ADAM22: variants seen among roughly 807,000 people sequenced by gnomAD.
The protein encoded by ADAM22 is ADAM metallopeptidase domain 22.
ADAM22 carries 65 observed loss-of-function variants against 144.6 expected under a neutral mutation model. The ratio of observed to expected loss-of-function variants is 0.45; its 90% CI spans 0.37 to 0.55. The LOEUF (loss-of-function observed/expected upper bound fraction) is 0.55. Ranked by LOEUF, ADAM22 falls within the 20% of genes least tolerant of loss-of-function variation. ADAM22 has a pLI of 0.00. For missense variants in ADAM22, 974 were observed against 1,184.9 expected, an observed-to-expected ratio of 0.82 and a Z score of 2.61; for synonymous variants, 391 against 412.6, an observed-to-expected ratio of 0.95 and a Z score of 0.63.
rs1554478728 is a variant in ADAM22 at position 88,113,703 on chromosome 7, A to ATATATAT, written c.474-881_474-880insTATATAT. Among the ~76,000 whole-genome samples the ATATATAT allele has an allele frequency of 4.4e-3, 212 of 48,044 alleles. 3 individuals carry two copies. Among genetic ancestry groups the ATATATAT allele is most frequent in the African/African-American group, 5.5e-3 (68 of 12,462 alleles). The allele number at this position is 48,044 out of a possible 152,430, so 31.5% of individuals were successfully genotyped here. A position where few individuals can be genotyped will look rare whatever the true frequency, so the allele number is the denominator to read the frequency against. Reference sequence around the variant, plus strand: ...TATATATATTATAAATAAATAAATAAATATATATATATATATATATATATA... The same window carrying ATATATAT: ...TATATATATTATAAATAAATAAATAATATATATATATATATATATATATATATATATA... On this transcript the variant is annotated intron_variant, in intron 5 of 31. Transcript: ENST00000413139.
chr7:88,090,889 T>C (rs1476434497), intron 4 of ADAM22, among the ~76,000 whole-genome samples: 1 of 152,170 alleles, frequency 6.6e-6, no homozygotes, highest in Non-Finnish European at 1.5e-5. Context: ...CTGTTGCCCA[T>C]TTTTAAGTAC....
chr7:88,153,370 A>G, intron 21 of ADAM22, 44 bp downstream of exon 21: 1 of 1,522,046 alleles, frequency 6.6e-7, no homozygotes, highest in South Asian at 1.2e-5. Flanking sequence ...TTGGTCAATT[A>G]CAAGTGTACT....
At chr7:88,139,156 G>A (rs1833887138) in intron 14 of ADAM22, among the ~76,000 whole-genome samples, 1 of 152,184 alleles carries the variant, frequency 6.6e-6, no homozygotes, top group Admixed American at 6.5e-5. Flanking sequence ...GGTGGCTCAC[G>A]CCTGTAATCC....
intron 4 of ADAM22, among the ~76,000 whole-genome samples, chr7:88,081,152 G>C (rs1362615327): frequency 6.6e-6 from 1 of 152,020 alleles, no homozygotes; most frequent in Non-Finnish European, 1.5e-5. Context: ...GTGATCAAGT[G>C]GGCTTCATCC....
At chr7:88,052,207 A>C (rs1806620280) in intron 3 of ADAM22, among the ~76,000 whole-genome samples, 1 of 152,040 alleles carries the variant, frequency 6.6e-6, no homozygotes, top group Non-Finnish European at 1.5e-5. Context: ...ACATAAAAAA[A>C]AAATTCCCGG....
At chr7:88,049,392 T>C (rs923219789) in intron 3 of ADAM22, among the ~76,000 whole-genome samples, 3 of 152,166 alleles carry the variant, frequency 2.0e-5, no homozygotes, top group African/African-American at 7.2e-5. Flanking sequence ...TGTTTTTTGT[T>C]TGTTTGTTTG....
In ADAM22 at chr7:88,131,294, G is replaced by A. The variant is rs1018160112; in HGVS notation, c.851G>A (p.Arg284Lys). ...DLIYKDQLKT[R>K]IVLVAMETWA... ...ATATATAAAGACCAACTTAAGACCAGGATAGTATTGGTTGCTATGGAAACC... is the reference window on the plus strand; with the variant it reads ...ATATATAAAGACCAACTTAAGACCAAGATAGTATTGGTTGCTATGGAAACC... The change falls in exon 11 of 32, where the codon AGG becomes AAG. Residue 284 changes from arginine (R) to lysine (K), a missense_variant. By Grantham distance (26) the Arg-to-Lys change is conservative. Around this residue, in one of 2 missense-constraint regions of ADAM22, gnomAD observed 734 missense variants for 950.6 expected, o/e 0.77. Transcript: ENST00000413139. 8.7e-6 allele frequency: 14 copies of A among 1,613,412 alleles called. No homozygotes were observed. Among genetic ancestry groups the A allele is most frequent in the Non-Finnish European group, 1.2e-5 (14 of 1,179,748 alleles).
At chr7:88,043,472 G>A (rs1042735650) in intron 3 of ADAM22, among the ~76,000 whole-genome samples, 2 of 146,980 alleles carry the variant, frequency 1.4e-5, no homozygotes, top group Non-Finnish European at 3.0e-5. Flanking sequence ...GTGACTGAGC[G>A]AGGCTCAGTA....
At chr7:88,011,172 T>C (rs1301796929) in intron 3 of ADAM22, among the ~76,000 whole-genome samples, 1 of 152,216 alleles carries the variant, frequency 6.6e-6, no homozygotes. Flanking sequence ...GAAGCAACAC[T>C]GTTAATGTTT....
chr7:87,984,767 A>G (rs896186548), intron 3 of ADAM22, among the ~76,000 whole-genome samples: 5 of 151,784 alleles, frequency 3.3e-5, no homozygotes, highest in African/African-American at 9.7e-5. Flanking sequence ...TACAGCCTCA[A>G]CCCCCTGGGC....
intron 4 of ADAM22, among the ~76,000 whole-genome samples, chr7:88,100,731 G>A (rs7792853): frequency 0.39 from 59,020 of 151,930 alleles, 13,413 homozygotes; most frequent in East Asian, 0.84. Context: ...GCTCAGACTT[G>A]TCTTGAACTC....
intron 3 of ADAM22, among the ~76,000 whole-genome samples, chr7:87,979,842 A>G (rs537490482): frequency 6.6e-6 from 1 of 152,280 alleles, no homozygotes; most frequent in Non-Finnish European, 1.5e-5. Flanking sequence ...TGAAAGCTGC[A>G]TGTAGATACT....
intron 4 of ADAM22, among the ~76,000 whole-genome samples, chr7:88,076,964 C>T (rs896262434): frequency 6.6e-6 from 1 of 152,078 alleles, no homozygotes. Flanking sequence ...AAAAGGAAAA[C>T]TTTATCCTTA....
intron 29 of ADAM22, chr7:88,184,452 C>G (rs1280848013): frequency 3.2e-6 from 1 of 315,124 alleles, no homozygotes; most frequent in South Asian, 2.3e-5. Flanking sequence ...AATCTCCTTA[C>G]AAGTCCTTTC....
intron 2 of ADAM22, among the ~76,000 whole-genome samples, chr7:87,951,415 T>G (rs534914659): frequency 1.9e-5 from 2 of 104,560 alleles, no homozygotes; most frequent in Non-Finnish European, 3.8e-5. Flanking sequence ...CCCCATTGCT[T>G]GTTTTTCTCA....
chr7:88,083,699 A>G (rs1415133887), intron 4 of ADAM22, among the ~76,000 whole-genome samples: 1 of 151,676 alleles, frequency 6.6e-6, no homozygotes, highest in Non-Finnish European at 1.5e-5. Flanking sequence ...CCTCCTGTAT[A>G]CCTATACATT....
chr7:87,991,323 G>A (rs1052128870), intron 3 of ADAM22, among the ~76,000 whole-genome samples: 4 of 147,910 alleles, frequency 2.7e-5, no homozygotes, highest in African/African-American at 5.0e-5. Context: ...ATTAAAAAAT[G>A]CCAAAGACTG....
At chr7:88,182,691 A>C in intron 29 of ADAM22, among the ~76,000 whole-genome samples, 1 of 152,204 alleles carries the variant, frequency 6.6e-6, no homozygotes, top group East Asian at 1.9e-4. Context: ...TTTATAATGA[A>C]GTAAATAATG....
chr7:88,123,100 G>T (rs1051044780), intron 7 of ADAM22, among the ~76,000 whole-genome samples: 2 of 152,088 alleles, frequency 1.3e-5, no homozygotes, highest in Non-Finnish European at 2.9e-5. Flanking sequence ...AAACTAATTT[G>T]CATTCTTAAA....
Sources: allele counts gnomAD v4.1 joint callset (sites outside exome capture counted in the v4.1 genomes callset), GRCh38; gene constraint gnomAD v4.1.1; regional missense constraint gnomAD v4.1.1; transcripts MANE v1.5; gene names NCBI Gene and HGNC (gene_info 2026-07-23, HGNC 2026-07-21).